SPAG17: variants seen among roughly 807,000 people sequenced by gnomAD.
SPAG17 encodes the protein sperm-associated antigen 17.
A neutral mutation model predicts 273.6 loss-of-function variants in SPAG17; 169 were observed. The ratio of observed to expected loss-of-function variants is 0.62; its 90% CI spans 0.55 to 0.70. The LOEUF is 0.70. Among genes scored for constraint, SPAG17 ranks in the 30% least tolerant of loss-of-function variants. SPAG17 has a pLI of 0.00. For missense variants in SPAG17, 2,557 were observed against 2,627.8 expected (o/e 0.97, Z 0.59); for synonymous variants, 825 against 873.2 (o/e 0.94, Z 0.97).
rs1451538882 is a variant in SPAG17, at chr1:118,151,322, T to G, written c.135A>C (p.Glu45Asp). 6.2e-7 allele frequency: 1 copy of G among 1,613,140 alleles called. No homozygotes were observed. Among genetic ancestry groups the G allele is most frequent in the South Asian group, 1.1e-5 (1 of 90,902 alleles). The change falls in exon 2 of 49, where the codon GAA (glutamate) becomes GAC (aspartate). Residue 45 changes from glutamate to aspartate, a missense_variant. Transcript: ENST00000336338. ...TAAGGGCTTGGATGAGAAGATCATCTTCAATCTGGTTCCCAACCACAAAAG... is the reference window on the plus strand; with the variant it reads ...TAAGGGCTTGGATGAGAAGATCATCGTCAATCTGGTTCCCAACCACAAAAG... ...SIAFVVGNQI[E>D]DDLLIQALTV...
intron 30 of SPAG17, among the ~76,000 whole-genome samples, chr1:118,011,319 C>T (rs908829609): frequency 6.6e-6 from 1 of 152,136 alleles, no homozygotes; most frequent in Non-Finnish European, 1.5e-5. Context: ...ATGGAATCAA[C>T]CTAAATGCCC....
intron 25 of SPAG17, among the ~76,000 whole-genome samples, chr1:118,030,764 C>A (rs899702880): frequency 6.6e-6 from 1 of 152,138 alleles, no homozygotes. Context: ...CTGCAAAGGA[C>A]ATGAACTCAT....
chr1:118,176,732 A>G (rs556582759), intron 1 of SPAG17, among the ~76,000 whole-genome samples: 5 of 152,326 alleles, frequency 3.3e-5, no homozygotes, highest in African/African-American at 1.2e-4. Context: ...ATTTCACTCA[A>G]ATACTGCAGA....
intron 24 of SPAG17, among the ~76,000 whole-genome samples, chr1:118,034,139 A>G (rs1648801246): frequency 6.6e-6 from 1 of 152,156 alleles, no homozygotes; most frequent in Non-Finnish European, 1.5e-5. Context: ...ACTAATATTC[A>G]GTAAATATTT....
chr1:117,995,054 C>T (rs187774409), intron 34 of SPAG17, among the ~76,000 whole-genome samples: 15 of 152,214 alleles, frequency 9.9e-5, no homozygotes, highest in Admixed American at 9.2e-4. Flanking sequence ...TCAACTTGTA[C>T]TATTCTTCCC....
Position 117,971,475 on chromosome 1 carries a change from CA to C in SPAG17, c.6326+387del, listed in dbSNP as rs1237271161. Among the ~76,000 whole-genome samples the C allele has an allele frequency of 2.0e-5, 3 of 152,170 alleles. No individual in the cohort carries two copies. In the East Asian group the frequency reaches 5.8e-4, roughly 29 times the overall value. On this transcript the variant is annotated intron_variant, in intron 45 of 48. Transcript: ENST00000336338. ...CACCTTTCAGATCATAATGTGCAAA[CA>C]AACATCAGCTAGTATTATTATAGTT... is the stretch of plus-strand genomic sequence containing the variant.
chr1:117,967,617 A>G lies in SPAG17; in HGVS notation c.6388-864T>C, dbSNP rs573570994. Reference sequence around the variant, plus strand: ...AATGCAGGATGCATAAAATAATGAAACCAGTAGAGGGAGATAAAATTAGTT... The same window carrying G: ...AATGCAGGATGCATAAAATAATGAAGCCAGTAGAGGGAGATAAAATTAGTT... On this transcript the variant is annotated intron_variant, in intron 46 of 48. Transcript: ENST00000336338. 2.0e-5 allele frequency among the ~76,000 whole-genome samples: 3 copies of G among 152,312 alleles called. No individual in the cohort carries two copies. In the East Asian group the frequency reaches 5.8e-4, roughly 29 times the overall value.
At chr1:117,956,924 C>A in intron 48 of SPAG17, 2 of 605,208 alleles carry the variant, frequency 3.3e-6, no homozygotes, top group African/African-American at 1.9e-5. Flanking sequence ...AGTCATCTAG[C>A]TTACAGATGA....
chr1:118,038,020 A>G (rs1042954112), intron 23 of SPAG17, among the ~76,000 whole-genome samples: 10 of 152,338 alleles, frequency 6.6e-5, no homozygotes, highest in Middle Eastern at 6.8e-3. Flanking sequence ...TGAAGAAAAT[A>G]TCTGCAAAAG....
intron 42 of SPAG17, among the ~76,000 whole-genome samples, chr1:117,981,926 C>A (rs1049201751): frequency 1.3e-5 from 2 of 152,148 alleles, no homozygotes; most frequent in African/African-American, 4.8e-5. Flanking sequence ...TGTGTGCCAA[C>A]CCTGGTTGAA....
intron 48 of SPAG17, chr1:117,959,463 TC>T: frequency 6.4e-7 from 1 of 1,570,820 alleles, no homozygotes; most frequent in Non-Finnish European, 8.6e-7. Context: ...AAATGTGGTA[TC>T]TTTTTTTTTT....
chr1:117,965,960 C>T (rs947529210), intron 47 of SPAG17: 3 of 152,096 alleles, frequency 2.0e-5, no homozygotes, highest in African/African-American at 4.8e-5. Flanking sequence ...TTAAAGTTCC[C>T]GTCAATCAAG....
intron 42 of SPAG17, 56 bp from the exon 43 acceptor site, chr1:117,981,457 C>A: frequency 6.6e-7 from 1 of 1,519,904 alleles, no homozygotes; most frequent in Non-Finnish European, 8.8e-7. Context: ...GATATAATGA[C>A]TACTAATGTT....
chr1:118,151,486 G>C (rs923990971), intron 1 of SPAG17, 117 bp from the exon 2 acceptor site: 38 of 1,039,928 alleles, frequency 3.7e-5, no homozygotes, highest in Non-Finnish European at 4.9e-5. Context: ...AAAGACAGAG[G>C]TGACCTTGTA....
intron 32 of SPAG17, among the ~76,000 whole-genome samples, chr1:118,001,017 A>C (rs1233486457): frequency 1.3e-5 from 2 of 152,086 alleles, no homozygotes; most frequent in Non-Finnish European, 2.9e-5. Context: ...GTTTATTGAG[A>C]GTTTTTAGCA....
intron 4 of SPAG17, among the ~76,000 whole-genome samples, chr1:118,111,581 CA>C (rs1263464922): frequency 2.6e-5 from 4 of 151,760 alleles, no homozygotes; most frequent in African/African-American, 9.7e-5. Flanking sequence ...CACACACACA[CA>C]CACACACACA....
chr1:118,115,585 G>T, intron 3 of SPAG17, 144 bp from the exon 4 acceptor site: 1 of 773,010 alleles, frequency 1.3e-6, no homozygotes, highest in South Asian at 2.1e-5. Context: ...AAAAAGTTAG[G>T]GAAAAAAATG....
intron 7 of SPAG17, 107 bp downstream of exon 7, chr1:118,097,563 C>T: frequency 5.1e-6 from 4 of 787,724 alleles, no homozygotes; most frequent in East Asian, 2.9e-5. Flanking sequence ...TAGCTCAATG[C>T]CTTGTAATCA....
intron 17 of SPAG17, among the ~76,000 whole-genome samples, chr1:118,069,882 A>G (rs978364430): frequency 2.0e-5 from 3 of 152,186 alleles, no homozygotes; most frequent in East Asian, 1.9e-4. Context: ...GGGAAGGGAT[A>G]AGCTCTGCAA....
Sources: gnomAD v4.1 joint callset for allele counts (sites outside exome capture counted in the v4.1 genomes callset) on GRCh38, gnomAD v4.1.1 for gene constraint, MANE v1.5 for transcripts, NCBI Gene and HGNC (gene_info 2026-07-23, HGNC 2026-07-21) for gene names.